Variants in CDC73 observed in about 807,000 individuals in gnomAD.
CDC73 encodes cell division cycle 73, also known as parafibromin.
A neutral mutation model predicts 83.7 loss-of-function variants in CDC73; 21 were observed. The observed-to-expected ratio is 0.25, with a 90% CI of 0.18 to 0.36. The LOEUF is 0.36. Ranked by LOEUF, CDC73 falls within the 10% of genes least tolerant of loss-of-function variation. The pLI is 1.00. For missense variants in CDC73, 342 were observed against 653.3 expected (o/e 0.52, Z 5.19); for synonymous variants, 224 against 212.9 (o/e 1.05, Z -0.45).
chr1:193,181,182 A>C (rs761969815), intron 10 of CDC73: 1 of 1,613,870 alleles, frequency 6.2e-7, no homozygotes, highest in South Asian at 1.1e-5. Context: ...GATGTCCAGT[A>C]CCTTTTTCAT....
At chr1:193,224,254 C>T (rs944822045) in intron 13 of CDC73, among the ~76,000 whole-genome samples, 1 of 151,750 alleles carries the variant, frequency 6.6e-6, no homozygotes, top group Non-Finnish European at 1.5e-5. Flanking sequence ...CTTAGGGGAT[C>T]TGTCATATTA....
At chr1:193,214,861 G>T (rs1443676442) in intron 13 of CDC73, among the ~76,000 whole-genome samples, 1 of 152,228 alleles carries the variant, frequency 6.6e-6, no homozygotes, top group Non-Finnish European at 1.5e-5. Context: ...AGATTCAGAT[G>T]AATTTAGTGA....
intron 10 of CDC73, chr1:193,181,187 T>C: frequency 1.9e-6 from 3 of 1,613,900 alleles, no homozygotes; most frequent in Non-Finnish European, 2.5e-6. Flanking sequence ...CCAGTACCTT[T>C]TTCATTGTAA....
chr1:193,133,728 T>C (rs897432816), intron 3 of CDC73, among the ~76,000 whole-genome samples: 2 of 152,158 alleles, frequency 1.3e-5, no homozygotes, highest in African/African-American at 2.4e-5. Flanking sequence ...ATATTTCAAC[T>C]CATCACAGAT....
At chr1:193,183,798 T>C (rs911923571) in intron 10 of CDC73, among the ~76,000 whole-genome samples, 1 of 152,036 alleles carries the variant, frequency 6.6e-6, no homozygotes, top group East Asian at 1.9e-4. Flanking sequence ...AGATAAGTTA[T>C]CTGTTTTCTG....
rs935733228 is a variant in CDC73 at position 193,250,660 on chromosome 1, A to G, written c.1560-16A>G. 2.5e-6 allele frequency: 4 copies of G among 1,586,814 alleles called. No homozygotes were observed. The South Asian group carries it at 3.3e-5, about 13-fold the overall frequency. ...ATTCCTATAGTCATTATAACCTACC[A>G]TAATATTTTTTTCAGGTACATGGTA... On this transcript the variant is annotated splice_polypyrimidine_tract_variant and intron_variant, in intron 16 of 16. Transcript: ENST00000367435.
At chr1:193,198,601 G>A (rs1210542887) in intron 10 of CDC73, among the ~76,000 whole-genome samples, 1 of 152,174 alleles carries the variant, frequency 6.6e-6, no homozygotes, top group Non-Finnish European at 1.5e-5. Context: ...TGGTATTTTG[G>A]TATAGTAGCA....
rs59773568 is a variant in CDC73, at chr1:193,222,756, CT to C, written c.1155-10221del. Among the ~76,000 whole-genome samples the C allele has an allele frequency of 5.5e-3, 641 of 117,180 alleles. 2 individuals are homozygous for C. Among genetic ancestry groups the C allele is most frequent in the South Asian group, 7.4e-3 (25 of 3,396 alleles). 76.9% of individuals were successfully genotyped at this position (117,180 alleles called of 152,430 possible). ...TCGTTTTGATAATCCATGAAATAAG[CT>C]TTTTTTTTTTTTTTTGCATATGTTC... On this transcript the variant is annotated intron_variant, in intron 13 of 16. Transcript: ENST00000367435.
chr1:193,162,245 A>G (rs1270000096), intron 10 of CDC73, among the ~76,000 whole-genome samples: 1 of 123,540 alleles, frequency 8.1e-6, no homozygotes, highest in African/African-American at 3.3e-5. Context: ...TATATAATAT[A>G]TAATAAATAT....
chr1:193,150,281 A>T, intron 8 of CDC73, 23 bp from the exon 9 acceptor site: 54 of 1,240,028 alleles, frequency 4.4e-5, no homozygotes, highest in Non-Finnish European at 5.7e-5. Flanking sequence ...TTAACAAGTA[A>T]CTCATAATTA....
chr1:193,195,814 C>T (rs902425475), intron 10 of CDC73, among the ~76,000 whole-genome samples: 55 of 152,152 alleles, frequency 3.6e-4, no homozygotes, highest in African/African-American at 1.2e-3. Flanking sequence ...TGGAGAAATA[C>T]CTATTCAAAT....
At chr1:193,212,320 A>G (rs1341266459) in intron 12 of CDC73, 70 bp from the exon 13 acceptor site, 1 of 1,018,542 alleles carries the variant, frequency 9.8e-7, no homozygotes, top group Non-Finnish European at 1.5e-6. Flanking sequence ...ATAATCTTTT[A>G]ACTTTTAGTA....
intron 10 of CDC73, among the ~76,000 whole-genome samples, chr1:193,153,631 G>T (rs984303266): frequency 3.9e-5 from 6 of 151,948 alleles, no homozygotes; most frequent in Non-Finnish European, 2.9e-5. Flanking sequence ...TTTTAAGTTT[G>T]TTTTTTTCTG....
intron 10 of CDC73, among the ~76,000 whole-genome samples, chr1:193,176,597 G>A (rs1676606438): frequency 6.6e-6 from 1 of 152,138 alleles, no homozygotes; most frequent in Non-Finnish European, 1.5e-5. Flanking sequence ...TGCCTTCTGG[G>A]ATTAATGTCT....
chr1:193,161,216 T>G (rs1558292720), intron 10 of CDC73: 1 of 177,716 alleles, frequency 5.6e-6, no homozygotes, highest in East Asian at 9.5e-5. Context: ...CATGTTTTTT[T>G]TAAATACCTG....
intron 10 of CDC73, among the ~76,000 whole-genome samples, chr1:193,158,387 G>GC (rs71111452): frequency 0.72 from 109,843 of 151,770 alleles, 40,017 homozygotes; most frequent in South Asian, 0.82. Flanking sequence ...TTCTGGACAG[G>GC]ATGGTGGCTC....
At chr1:193,223,334 C>T (rs1677506179) in intron 13 of CDC73, among the ~76,000 whole-genome samples, 1 of 152,068 alleles carries the variant, frequency 6.6e-6, no homozygotes. Context: ...GACAGAACTC[C>T]AGAGAAGATG....
At chr1:193,163,681 GTAT>G (rs2103143987) in intron 10 of CDC73, among the ~76,000 whole-genome samples, 1 of 152,160 alleles carries the variant, frequency 6.6e-6, no homozygotes, top group East Asian at 1.9e-4. Flanking sequence ...ATAGACATTT[GTAT>G]TATTTCTAAC....
At chr1:193,142,393 G>T (rs1675921199) in intron 7 of CDC73, among the ~76,000 whole-genome samples, 1 of 152,082 alleles carries the variant, frequency 6.6e-6, no homozygotes, top group East Asian at 1.9e-4. Flanking sequence ...AATATTGATG[G>T]CAAGTTCTCT....
Sources: gnomAD v4.1 joint callset for allele counts (sites outside exome capture counted in the v4.1 genomes callset) on GRCh38, gnomAD v4.1.1 for gene constraint, MANE v1.5 for transcripts, NCBI Gene and HGNC (gene_info 2026-07-23, HGNC 2026-07-21) for gene names.